TDRD7: variants seen among roughly 807,000 people sequenced by gnomAD.
TDRD7 encodes the protein tudor domain containing 7, also known as tudor domain-containing protein 7.
TDRD7 carries 47 observed loss-of-function variants against 109.8 expected under a neutral mutation model. The ratio of observed to expected loss-of-function variants is 0.43; its 90% CI spans 0.34 to 0.55. The LOEUF (loss-of-function observed/expected upper bound fraction) is 0.55, where lower values mean the gene tolerates loss of function less well. TDRD7 is among the 20% of genes least tolerant of loss of function. TDRD7 has a pLI of 0.03. For synonymous variants in TDRD7, 424 were observed against 457.3 expected, an observed-to-expected ratio of 0.93 and a Z score of 0.93; for missense variants, 1,164 against 1,319.2, an observed-to-expected ratio of 0.88 and a Z score of 1.82.
At chr9:97,477,992 C>T (rs1829050769) in intron 12 of TDRD7, among the ~76,000 whole-genome samples, 1 of 152,118 alleles carries the variant, frequency 6.6e-6, no homozygotes, top group Non-Finnish European at 1.5e-5. Context: ...GGCGCGGTGG[C>T]TCACACCTGT....
At chr9:97,491,159 A>C (rs1829303417) in intron 16 of TDRD7, among the ~76,000 whole-genome samples, 1 of 151,712 alleles carries the variant, frequency 6.6e-6, no homozygotes, top group Admixed American at 6.6e-5. Context: ...TTCGTGATCC[A>C]CCCACTTTGG....
In TDRD7 at chr9:97,432,106, G is replaced by A. The variant is rs1828113835; in HGVS notation, c.431G>A (p.Arg144Lys). Residue 144 changes from arginine to lysine, a missense_variant, in exon 4 of 17, where the codon AGA becomes AAA. Around this residue, in one of 5 missense-constraint regions of TDRD7, gnomAD observed 407 missense variants for 394.0 expected, o/e 1.03. Transcript: ENST00000355295. ...VGKKPNPAPL[R>K]DKGNSVGVKP... ...AAAAAACCTAATCCAGCACCGTTAA[G>A]AGACAAAGGAAACTCTGTTGGAGTT... 6.2e-7 allele frequency: 1 copy of A among 1,613,840 alleles called. No individual in the cohort carries two copies. The highest frequency in any genetic ancestry group is 8.5e-7 in the Non-Finnish European group (1 of 1,179,808).
chr9:97,468,936 G>A (rs563783783), intron 8 of TDRD7, among the ~76,000 whole-genome samples: 1 of 152,346 alleles, frequency 6.6e-6, no homozygotes, highest in African/African-American at 2.4e-5. Context: ...ACTGGCCAAT[G>A]CATGGACAAG....
chr9:97,483,428 G>C lies in TDRD7; in HGVS notation c.2915+77G>C, dbSNP rs1045326138. The C allele has an allele frequency of 3.9e-6, 6 of 1,550,558 alleles. No homozygotes were observed. In the Admixed American group the frequency reaches 8.5e-5, roughly 22 times the overall value. ...ATGATGCCAGAGTCTTAATCTTGGC[G>C]GGGGGACTTCGAACTGTACTAATGG... On this transcript the variant is annotated intron_variant, in intron 15 of 16. Coordinates refer to ENST00000355295, the MANE Select transcript of TDRD7 (RefSeq NM_014290.3).
chr9:97,440,637 G>C (rs1828286662), intron 5 of TDRD7, among the ~76,000 whole-genome samples: 1 of 152,128 alleles, frequency 6.6e-6, no homozygotes, highest in African/African-American at 2.4e-5. Flanking sequence ...CAGCGTCCAA[G>C]TGTCCTCAAG....
At chr9:97,415,052 G>A (rs1344959821) in intron 1 of TDRD7, among the ~76,000 whole-genome samples, 2 of 152,160 alleles carry the variant, frequency 1.3e-5, no homozygotes, top group Non-Finnish European at 2.9e-5. Flanking sequence ...AGAAGTATAT[G>A]CCCTAAAGAG....
Position 97,480,849 on chromosome 9 carries a change from G to T in TDRD7, c.2323G>T (p.Asp775Tyr). Residue 775 changes from aspartate to tyrosine, a missense_variant, in exon 14 of 17, where the codon GAT (aspartate) becomes TAT (tyrosine). Coordinates refer to ENST00000355295, the MANE Select transcript of TDRD7 (RefSeq NM_014290.3). ...PPQAIKCCLA[D>Y]LPQSIGMWTP... ...TCAGGCCATTAAGTGCTGTTTAGCA[G>T]ATCTTCCACAATCTATTGGCATGTG... The T allele has an allele frequency of 6.2e-7, 1 of 1,614,062 alleles. No individual in the cohort carries two copies. The highest frequency in any genetic ancestry group is 8.5e-7 in the Non-Finnish European group (1 of 1,179,958).
chr9:97,414,007 C>CA (rs1396061165), intron 1 of TDRD7, among the ~76,000 whole-genome samples: 1 of 152,094 alleles, frequency 6.6e-6, no homozygotes, highest in African/African-American at 2.4e-5. Flanking sequence ...AAATATAATC[C>CA]AACCCCGAGT....
chr9:97,471,147 C>CTT (rs1828904333), intron 9 of TDRD7, among the ~76,000 whole-genome samples: 1 of 152,232 alleles, frequency 6.6e-6, no homozygotes, highest in Middle Eastern at 3.4e-3. Context: ...TATCATTGTT[C>CTT]TTTTCCTTCC....
intron 5 of TDRD7, among the ~76,000 whole-genome samples, chr9:97,440,623 G>A (rs1828286135): frequency 6.6e-6 from 1 of 152,184 alleles, no homozygotes; most frequent in African/African-American, 2.4e-5. Flanking sequence ...TGGAAGAGCA[G>A]AGTCAGCGTC....
At chr9:97,448,188 CTG>C (rs978475464) in intron 6 of TDRD7, among the ~76,000 whole-genome samples, 1 of 152,200 alleles carries the variant, frequency 6.6e-6, no homozygotes, top group African/African-American at 2.4e-5. Flanking sequence ...GACTGAAAAA[CTG>C]TAACCATTTC....
At position 97,428,639 on chromosome 9, in the gene TDRD7, A is replaced by G. The variant is rs756389343; in HGVS notation, c.174A>G (p.Ala58=). The G allele has an allele frequency of 1.2e-6, 2 of 1,613,858 alleles. No individual in the cohort carries two copies. Among genetic ancestry groups the G allele is most frequent in the East Asian group, 4.5e-5 (2 of 44,884 alleles). Residue 58 remains alanine, a synonymous_variant, in exon 2 of 17, where the codon GCA becomes GCG. Coordinates refer to ENST00000355295, the MANE Select transcript of TDRD7 (RefSeq NM_014290.3). ...AAGCCTATCTGAGAAGTGTGCCAGC[A>G]GTGGTCAGGATAGAGACTAGTAGAT... ...TLEAYLRSVP[A]VVRIETSRSG...
intron 1 of TDRD7, among the ~76,000 whole-genome samples, chr9:97,427,539 GT>G (rs1828020982): frequency 6.6e-6 from 1 of 152,154 alleles, no homozygotes; most frequent in Non-Finnish European, 1.5e-5. Context: ...TAATTTCCTA[GT>G]GAATATATCT....
At chr9:97,432,912 G>T (rs1463430350) in intron 4 of TDRD7, among the ~76,000 whole-genome samples, 1 of 152,120 alleles carries the variant, frequency 6.6e-6, no homozygotes. Flanking sequence ...TTAGAACATG[G>T]CCATTTTGCT....
rs1401588622 is a variant in TDRD7, at chr9:97,428,637, G to C, written c.172G>C (p.Ala58Pro). Residue 58 changes from alanine to proline, a missense_variant, in exon 2 of 17, where the codon GCA becomes CCA. By Grantham distance (27) the Ala-to-Pro change is conservative. Coordinates refer to ENST00000355295, the MANE Select transcript of TDRD7 (RefSeq NM_014290.3). ...TLEAYLRSVP[A>P]VVRIETSRSG... Reference sequence around the variant, plus strand: ...AGAAGCCTATCTGAGAAGTGTGCCAGCAGTGGTCAGGATAGAGACTAGTAG... The same window carrying C: ...AGAAGCCTATCTGAGAAGTGTGCCACCAGTGGTCAGGATAGAGACTAGTAG... The C allele has an allele frequency of 2.5e-6, 4 of 1,613,820 alleles. No individual in the cohort carries two copies. Among genetic ancestry groups the C allele is most frequent in the Non-Finnish European group, 3.4e-6 (4 of 1,179,936 alleles).
In TDRD7 at chr9:97,460,703, A is replaced by C; in HGVS notation, c.1381A>C (p.Thr461Pro). 6.2e-7 allele frequency: 1 copy of C among 1,614,170 alleles called. No homozygotes were observed. The highest frequency in any genetic ancestry group is 1.3e-5 in the African/African-American group (1 of 75,036). Residue 461 changes from threonine to proline, a missense_variant, in exon 7 of 17, where the codon ACT becomes CCT. Thr to Pro is a conservative substitution (Grantham distance 38). Transcript: ENST00000355295. ...DITVPPLMIP[T>P]EASPSVLVVE... ...AACAGTTCCTCCTTTAATGATTCCA[A>C]CTGAAGCATCACCATCTGTATTGGT...
chr9:97,458,416 G>A (rs1003832773), intron 6 of TDRD7, among the ~76,000 whole-genome samples: 5 of 152,136 alleles, frequency 3.3e-5, no homozygotes, highest in Admixed American at 6.6e-5. Flanking sequence ...GCGAAGATTG[G>A]CATTTTAAGA....
chr9:97,431,407 A>ATT (rs1828102023), intron 3 of TDRD7, among the ~76,000 whole-genome samples: 1 of 152,160 alleles, frequency 6.6e-6, no homozygotes, highest in East Asian at 1.9e-4. Context: ...CTATGATTTT[A>ATT]TGTCTTATTT....
At chr9:97,446,402 A>G (rs1049456411) in intron 6 of TDRD7, among the ~76,000 whole-genome samples, 2 of 152,232 alleles carry the variant, frequency 1.3e-5, no homozygotes, top group African/African-American at 4.8e-5. Flanking sequence ...CTGGAGGCAC[A>G]CCAAGCCTTA....
Sources: gnomAD v4.1 joint callset for allele counts (sites outside exome capture counted in the v4.1 genomes callset) on GRCh38, gnomAD v4.1.1 for gene constraint, gnomAD v4.1.1 regional missense constraint, MANE v1.5 for transcripts, NCBI Gene and HGNC (gene_info 2026-07-23, HGNC 2026-07-21) for gene names.